ELAPOR2: variants seen among roughly 807,000 people sequenced by gnomAD.
ELAPOR2 encodes the protein endosome/lysosome-associated apoptosis and autophagy regulator family member 2.
Under a neutral mutation model 120.7 loss-of-function variants are expected in ELAPOR2, and 89 were observed. The observed-to-expected ratio is 0.74, with a 90% CI of 0.62 to 0.88. ELAPOR2 has a LOEUF of 0.88. ELAPOR2 is among the 40% of genes least tolerant of loss of function. The pLI, the probability that ELAPOR2 is intolerant of heterozygous loss-of-function variation, is 0.00. For missense variants in ELAPOR2, 1,134 were observed against 1,251.6 expected (o/e 0.91, Z 1.42); for synonymous variants, 444 against 444.9 (o/e 1.00, Z 0.03).
chr7:87,046,920 T>C lies in ELAPOR2; in HGVS notation c.189+12405A>G, dbSNP rs190322659. Among the ~76,000 whole-genome samples the C allele has an allele frequency of 5.3e-5, 8 of 152,290 alleles. No individual in the cohort carries two copies. In the East Asian group the frequency reaches 1.5e-3, roughly 29 times the overall value. On this transcript the variant is annotated intron_variant, in intron 1 of 21. Coordinates refer to ENST00000450689, the MANE Select transcript of ELAPOR2 (RefSeq NM_001142749.3). Reference sequence around the variant, plus strand: ...AAGAACAAAACTGAAGGAATCAAATTACCAGACTTCAAATTATACTACAAA... The same window carrying C: ...AAGAACAAAACTGAAGGAATCAAATCACCAGACTTCAAATTATACTACAAA...
At chr7:87,006,426 T>C (rs1320216299) in intron 1 of ELAPOR2, among the ~76,000 whole-genome samples, 2 of 152,096 alleles carry the variant, frequency 1.3e-5, no homozygotes, top group East Asian at 1.9e-4. Flanking sequence ...CTAATGTAGA[T>C]GACAGGTTGA....
intron 1 of ELAPOR2, among the ~76,000 whole-genome samples, chr7:87,040,246 G>A (rs1194216442): frequency 6.6e-6 from 1 of 152,270 alleles, no homozygotes; most frequent in African/African-American, 2.4e-5. Flanking sequence ...CAGCCGGAAA[G>A]CTCGAACTGG....
At chr7:86,987,604 C>G (rs1030088553) in intron 1 of ELAPOR2, among the ~76,000 whole-genome samples, 2 of 152,118 alleles carry the variant, frequency 1.3e-5, no homozygotes, top group Non-Finnish European at 2.9e-5. Flanking sequence ...AAATGCTCAT[C>G]ATCACTGGTC....
intron 1 of ELAPOR2, among the ~76,000 whole-genome samples, chr7:87,039,377 A>G (rs1584029393): frequency 6.6e-6 from 1 of 152,326 alleles, no homozygotes; most frequent in East Asian, 1.9e-4. Context: ...CTGAAAACCC[A>G]AGAGGAGAGA....
chr7:87,004,581 G>A (rs888095512), intron 1 of ELAPOR2, among the ~76,000 whole-genome samples: 1 of 152,138 alleles, frequency 6.6e-6, no homozygotes, highest in African/African-American at 2.4e-5. Context: ...CAGCCTGCCT[G>A]CCCTGTCATC....
intron 1 of ELAPOR2, among the ~76,000 whole-genome samples, chr7:86,972,709 A>G (rs1221146858): frequency 6.6e-6 from 1 of 151,206 alleles, no homozygotes; most frequent in Non-Finnish European, 1.5e-5. Flanking sequence ...GCTACCTCCA[A>G]TGCCACTGTC....
intron 1 of ELAPOR2, among the ~76,000 whole-genome samples, chr7:87,030,101 C>A (rs146235420): frequency 7.0e-4 from 107 of 152,092 alleles, no homozygotes; most frequent in Middle Eastern, 3.4e-3. Context: ...GAAAACAAAG[C>A]CATAGCTGAA....
intron 1 of ELAPOR2, among the ~76,000 whole-genome samples, chr7:87,038,346 A>G (rs1794652559): frequency 6.6e-6 from 1 of 152,238 alleles, no homozygotes. Flanking sequence ...TTCTCTGGAT[A>G]TTACATATCT....
intron 2 of ELAPOR2, among the ~76,000 whole-genome samples, chr7:86,964,507 C>G (rs1791833782): frequency 6.6e-6 from 1 of 151,930 alleles, no homozygotes; most frequent in African/African-American, 2.4e-5. Context: ...TGATAGTAAA[C>G]AATATGAATA....
intron 11 of ELAPOR2, 39 bp downstream of exon 11, chr7:86,919,181 A>G (rs367587441): frequency 6.3e-6 from 9 of 1,425,544 alleles, no homozygotes; most frequent in Non-Finnish European, 8.9e-6. Context: ...AACAGGTGTA[A>G]GGATTCTTAC....
chr7:86,963,527 A>G (rs894524237), intron 2 of ELAPOR2, among the ~76,000 whole-genome samples: 3 of 152,216 alleles, frequency 2.0e-5, no homozygotes, highest in African/African-American at 7.2e-5. Flanking sequence ...GCTAGCCAAG[A>G]CCACCATACC....
intron 2 of ELAPOR2, among the ~76,000 whole-genome samples, chr7:86,962,215 T>C (rs1249216001): frequency 6.6e-6 from 1 of 152,208 alleles, no homozygotes; most frequent in Non-Finnish European, 1.5e-5. Context: ...AACTGCTTCA[T>C]AAACATTCCT....
rs575241536 is a variant in ELAPOR2, at chr7:86,892,918, T to C, written c.2864+4A>G. 7 of 1,531,004 alleles carry C rather than the reference T, an allele frequency of 4.6e-6. No individual in the cohort carries two copies. In the South Asian group the frequency reaches 5.3e-5, roughly 12 times the overall value. 94.8% of individuals were successfully genotyped at this position (1,531,004 alleles called of 1,614,324 possible). A position where few individuals can be genotyped will look rare whatever the true frequency, so the allele number is the denominator to read the frequency against. On this transcript the variant is annotated splice_donor_region_variant and intron_variant, in intron 20 of 21. Coordinates refer to ENST00000450689, the MANE Select transcript of ELAPOR2 (RefSeq NM_001142749.3). Reference sequence around the variant, plus strand: ...CTCTTGTGATCATCTCAGAGGGTACTTACTTTTGATTCTTTTTCCAGAAGT... The same window carrying C: ...CTCTTGTGATCATCTCAGAGGGTACCTACTTTTGATTCTTTTTCCAGAAGT...
chr7:87,050,697 A>T (rs564574708), intron 1 of ELAPOR2, among the ~76,000 whole-genome samples: 16 of 152,356 alleles, frequency 1.1e-4, no homozygotes, highest in African/African-American at 3.8e-4. Flanking sequence ...TTTTAAATTT[A>T]TATTTTAATG....
intron 1 of ELAPOR2, among the ~76,000 whole-genome samples, chr7:87,015,064 A>T (rs1240248510): frequency 6.6e-6 from 1 of 152,184 alleles, no homozygotes; most frequent in Non-Finnish European, 1.5e-5. Flanking sequence ...ATAAATTATC[A>T]CCATATAATA....
intron 18 of ELAPOR2, among the ~76,000 whole-genome samples, chr7:86,904,540 C>T (rs1285424991): frequency 1.3e-5 from 2 of 152,144 alleles, no homozygotes; most frequent in East Asian, 1.9e-4. Context: ...AAACACTGTA[C>T]CGTTTTTATC....
intron 10 of ELAPOR2, among the ~76,000 whole-genome samples, chr7:86,922,950 C>A (rs1046873488): frequency 6.6e-6 from 1 of 151,778 alleles, no homozygotes; most frequent in Non-Finnish European, 1.5e-5. Context: ...ATACAGTAAA[C>A]CAAATTTAAA....
chr7:86,905,113 AGG>A (rs1248749208), intron 18 of ELAPOR2, among the ~76,000 whole-genome samples: 12 of 149,670 alleles, frequency 8.0e-5, no homozygotes, highest in African/African-American at 2.7e-4. Context: ...GAAGGAAGGA[AGG>A]AAGGAAGGAA....
At chr7:86,894,996 T>C (rs1788371592) in intron 19 of ELAPOR2, among the ~76,000 whole-genome samples, 1 of 152,016 alleles carries the variant, frequency 6.6e-6, no homozygotes, top group South Asian at 2.1e-4. Flanking sequence ...TGTATAAATT[T>C]AACATACGCG....
Sources: gnomAD v4.1 joint callset for allele counts (sites outside exome capture counted in the v4.1 genomes callset) on GRCh38, gnomAD v4.1.1 for gene constraint, MANE v1.5 for transcripts, NCBI Gene and HGNC (gene_info 2026-07-23, HGNC 2026-07-21) for gene names.